MOB3B: variants seen among roughly 807,000 people sequenced by gnomAD.
The protein encoded by MOB3B is MOB kinase activator-like 2B.
MOB3B carries 7 observed loss-of-function variants against 18.7 expected under a neutral mutation model. That is an observed-to-expected ratio of 0.37 (90% CI 0.21 to 0.70). MOB3B has a LOEUF of 0.70. Among genes scored for constraint, MOB3B ranks in the 30% least tolerant of loss-of-function variants. The pLI, the probability that MOB3B is intolerant of heterozygous loss-of-function variation, is 0.52. For missense variants in MOB3B, 253 were observed against 281.3 expected (o/e 0.90, Z 0.72); for synonymous variants, 111 against 99.9 (o/e 1.11, Z -0.66).
At chr9:27,486,338 G>T (rs1819729464) in intron 1 of MOB3B, among the ~76,000 whole-genome samples, 1 of 152,186 alleles carries the variant, frequency 6.6e-6, no homozygotes, top group African/African-American at 2.4e-5. Flanking sequence ...TTCATTTGAT[G>T]AAATCTATTA....
chr9:27,523,744 A>G (rs1222090655), intron 1 of MOB3B, among the ~76,000 whole-genome samples: 1 of 152,244 alleles, frequency 6.6e-6, no homozygotes, highest in Non-Finnish European at 1.5e-5. Flanking sequence ...AAAATCAAAA[A>G]GAGAAAATAT....
intron 1 of MOB3B, among the ~76,000 whole-genome samples, chr9:27,513,385 C>G (rs745592589): frequency 6.6e-6 from 1 of 152,184 alleles, no homozygotes; most frequent in South Asian, 2.1e-4. Context: ...TGTACCCCTA[C>G]AAGGCCCCCA....
At position 27,514,723 on chromosome 9, in the gene MOB3B, T is replaced by A. The variant is rs189425474; in HGVS notation, c.-199+14832A>T. The stretch of plus-strand genomic sequence containing the variant: ...TTTGGGCCATGATGAAGAAATGCTA[T>A]CCCAAGCCAGCAGAGCAGCTGAACT... On this transcript the variant is annotated intron_variant, in intron 1 of 3. Coordinates refer to ENST00000262244, the MANE Select transcript of MOB3B (RefSeq NM_024761.5). Among the ~76,000 whole-genome samples the A allele has an allele frequency of 2.6e-5, 4 of 152,298 alleles. No individual in the cohort carries two copies. The East Asian group carries it at 7.7e-4, about 29-fold the overall frequency.
intron 1 of MOB3B, among the ~76,000 whole-genome samples, chr9:27,466,300 T>C (rs1819382243): frequency 6.6e-6 from 1 of 152,204 alleles, no homozygotes; most frequent in Non-Finnish European, 1.5e-5. Context: ...TTTGCTCCAG[T>C]TCCCAACAAG....
At chr9:27,432,492 C>T (rs919905472) in intron 2 of MOB3B, among the ~76,000 whole-genome samples, 5 of 152,148 alleles carry the variant, frequency 3.3e-5, no homozygotes, top group Admixed American at 6.5e-5. Context: ...CCTGCAATGC[C>T]TTATCTCATG....
At position 27,455,117 on chromosome 9, in the gene MOB3B, C is replaced by G; in HGVS notation, c.418+16G>C. ...GTGCAGGTGACAAAAAAACTGAGAG[C>G]TGGTAATGAACTTACCCACGCATGT... On this transcript the variant is annotated intron_variant, in intron 2 of 3. Coordinates refer to ENST00000262244, the MANE Select transcript of MOB3B (RefSeq NM_024761.5). 1 of 1,613,760 alleles carries G rather than the reference C, an allele frequency of 6.2e-7. No individual in the cohort carries two copies. Among genetic ancestry groups the G allele is most frequent in the Non-Finnish European group, 8.5e-7 (1 of 1,179,870 alleles).
chr9:27,515,435 A>T (rs1489022481), intron 1 of MOB3B, among the ~76,000 whole-genome samples: 2 of 152,238 alleles, frequency 1.3e-5, no homozygotes, highest in African/African-American at 4.8e-5. Context: ...ACGTTGGTTA[A>T]GTCGCTCAAT....
In MOB3B at chr9:27,369,894, G is replaced by A. The variant is rs4879419; in HGVS notation, c.419-10658C>T. Among the ~76,000 whole-genome samples, 172 of 150,332 alleles carry A rather than the reference G, an allele frequency of 1.1e-3. No individual in the cohort carries two copies. In the East Asian group the frequency reaches 0.024, roughly 21 times the overall value. On this transcript the variant is annotated intron_variant, in intron 2 of 3. Coordinates refer to ENST00000262244, the MANE Select transcript of MOB3B (RefSeq NM_024761.5). ...AGGTAGGCATATCATAACACCCGCT[G>A]CTTCTTCCATGACAATACTACCACA...
intron 1 of MOB3B, among the ~76,000 whole-genome samples, chr9:27,518,271 C>T (rs150212647): frequency 5.4e-4 from 82 of 152,292 alleles, no homozygotes; most frequent in African/African-American, 1.7e-3. Context: ...ACCCACTGCA[C>T]GCTCATCATT....
chr9:27,497,576 G>A (rs1319854738), intron 1 of MOB3B, among the ~76,000 whole-genome samples: 3 of 151,638 alleles, frequency 2.0e-5, no homozygotes, highest in African/African-American at 7.3e-5. Context: ...CTAGTTTCAG[G>A]TGATTTTAAT....
At chr9:27,469,083 T>C (rs1819432951) in intron 1 of MOB3B, among the ~76,000 whole-genome samples, 1 of 152,194 alleles carries the variant, frequency 6.6e-6, no homozygotes, top group Non-Finnish European at 1.5e-5. Context: ...TTTAAAAATA[T>C]ACCTCAGAGG....
chr9:27,512,727 G>A (rs997777083), intron 1 of MOB3B, among the ~76,000 whole-genome samples: 11 of 152,122 alleles, frequency 7.2e-5, no homozygotes, highest in Admixed American at 6.5e-4. Context: ...GGCATTGTCA[G>A]CTCTAGGCTC....
chr9:27,356,187 T>C (rs1821188649), intron 3 of MOB3B, among the ~76,000 whole-genome samples: 1 of 152,242 alleles, frequency 6.6e-6, no homozygotes, highest in African/African-American at 2.4e-5. Flanking sequence ...TTAAAAAGTA[T>C]GAATATTTAC....
intron 2 of MOB3B, among the ~76,000 whole-genome samples, chr9:27,454,305 C>T (rs973636348): frequency 2.0e-5 from 3 of 152,154 alleles, no homozygotes; most frequent in Non-Finnish European, 4.4e-5. Flanking sequence ...GTATTTATTC[C>T]ATCATTCCAC....
chr9:27,360,320 A>G lies in MOB3B; in HGVS notation c.419-1084T>C, dbSNP rs191713934. Among the ~76,000 whole-genome samples, 25 of 152,296 alleles carry G rather than the reference A, an allele frequency of 1.6e-4. No homozygotes were observed. In the East Asian group the frequency reaches 4.2e-3, roughly 26 times the overall value. On this transcript the variant is annotated intron_variant, in intron 2 of 3. Transcript: ENST00000262244. ...GGAGTTTGAGACCAGTCTGGCCAAC[A>G]TGGTGAAACACTATCTCTACTAAAA...
intron 2 of MOB3B, among the ~76,000 whole-genome samples, chr9:27,405,748 T>A (rs1821958932): frequency 1.3e-5 from 2 of 152,136 alleles, no homozygotes. Flanking sequence ...CAAACTGAGT[T>A]CAACAAGGCA....
At chr9:27,351,548 G>A (rs2131348558) in intron 3 of MOB3B, among the ~76,000 whole-genome samples, 1 of 152,362 alleles carries the variant, frequency 6.6e-6, no homozygotes, top group Non-Finnish European at 1.5e-5. Context: ...AAGCCTTCTG[G>A]CTGAAGGCCA....
In MOB3B at chr9:27,442,570, C is replaced by T. The variant is rs78629396; in HGVS notation, c.418+12563G>A. Among the ~76,000 whole-genome samples, 68 of 152,300 alleles carry T rather than the reference C, an allele frequency of 4.5e-4. 1 individual carries two copies. The East Asian group carries it at 0.013, about 28-fold the overall frequency. ...GCAGACAGCCAGGTATTTCTACCTCCCACCCTGCCCTTTCGGGTCAGGCAG... is the reference window on the plus strand; with the variant it reads ...GCAGACAGCCAGGTATTTCTACCTCTCACCCTGCCCTTTCGGGTCAGGCAG... On this transcript the variant is annotated intron_variant, in intron 2 of 3. Transcript: ENST00000262244.
At chr9:27,364,406 G>A (rs1821315364) in intron 2 of MOB3B, among the ~76,000 whole-genome samples, 1 of 152,150 alleles carries the variant, frequency 6.6e-6, no homozygotes, top group African/African-American at 2.4e-5. Context: ...AGGATTCTGA[G>A]ACCAAATATA....
Sources: gnomAD v4.1 joint callset for allele counts (sites outside exome capture counted in the v4.1 genomes callset) on GRCh38, gnomAD v4.1.1 for gene constraint, MANE v1.5 for transcripts, NCBI Gene and HGNC (gene_info 2026-07-23, HGNC 2026-07-21) for gene names.